NFIB: variants seen among roughly 807,000 people sequenced by gnomAD.
NFIB encodes the protein nuclear factor I B, also known as nuclear factor 1 B-type.
In NFIB, 11 loss-of-function variants were observed where a neutral mutation model predicts 61.5. The observed-to-expected ratio is 0.18, with a 90% CI of 0.11 to 0.30. NFIB has a LOEUF of 0.30. NFIB is among the 10% of genes least tolerant of loss of function. The pLI, the probability that NFIB is intolerant of heterozygous loss-of-function variation, is 1.00. For synonymous variants in NFIB, 260 were observed against 216.5 expected (o/e 1.20, Z -1.76); for missense variants, 471 against 608.9 (o/e 0.77, Z 2.38).
intron 2 of NFIB, among the ~76,000 whole-genome samples, chr9:14,269,853 G>T (rs2057473927): frequency 6.6e-6 from 1 of 152,024 alleles, no homozygotes; most frequent in Non-Finnish European, 1.5e-5. Flanking sequence ...AAGCAAATTT[G>T]CTTTCTCAGA....
At position 14,086,791 on chromosome 9, in the gene NFIB, TTTG is replaced by T. The variant is rs2032933526; in HGVS notation, c.*1515_*1517del. On this transcript the variant is annotated 3_prime_UTR_variant, in exon 11 of 11. Coordinates refer to ENST00000380953, the MANE Select transcript of NFIB (RefSeq NM_001190737.2). ...TGTTGTATTTTTTTGTTTTTTTTTT[TTTG>T]TTTTTTGTTTTTTAGATTTCAAGGC... 4.8e-6 allele frequency: 1 copy of T among 206,566 alleles called. No individual in the cohort carries two copies. Among genetic ancestry groups the T allele is most frequent in the Admixed American group, 5.9e-5 (1 of 16,812 alleles). 12.8% of individuals were successfully genotyped at this position (206,566 alleles called of 1,614,324 possible). A position where few individuals can be genotyped will look rare whatever the true frequency, so the allele number is the denominator to read the frequency against.
chr9:14,161,810 G>C (rs2044236989), intron 3 of NFIB, among the ~76,000 whole-genome samples: 1 of 152,074 alleles, frequency 6.6e-6, no homozygotes, highest in Non-Finnish European at 1.5e-5. Flanking sequence ...TAGAATTACA[G>C]GGTCAAAGGA....
intron 2 of NFIB, among the ~76,000 whole-genome samples, chr9:14,209,122 T>C (rs187403681): frequency 6.6e-6 from 1 of 152,364 alleles, no homozygotes; most frequent in Non-Finnish European, 1.5e-5. Context: ...CCAGCCTTTT[T>C]CATATATAGT....
chr9:14,301,228 G>A (rs2059731738), intron 2 of NFIB, among the ~76,000 whole-genome samples: 1 of 152,150 alleles, frequency 6.6e-6, no homozygotes, highest in African/African-American at 2.4e-5. Context: ...GCATTCTTCA[G>A]GAGACCTGAC....
intron 10 of NFIB, among the ~76,000 whole-genome samples, chr9:14,103,089 T>C (rs1563786804): frequency 1.3e-5 from 2 of 152,328 alleles, no homozygotes; most frequent in South Asian, 4.1e-4. Flanking sequence ...GATAAGCATT[T>C]CTAGTTTTAT....
intron 10 of NFIB, among the ~76,000 whole-genome samples, chr9:14,091,622 T>C (rs942127547): frequency 6.6e-6 from 1 of 152,104 alleles, no homozygotes; most frequent in African/African-American, 2.4e-5. Context: ...ATTCAGCTAC[T>C]TCAGCAATAT....
the NFIB span, among the ~76,000 whole-genome samples, chr9:14,491,266 G>T: frequency 6.6e-6 from 1 of 152,120 alleles, no homozygotes; most frequent in Non-Finnish European, 1.5e-5. Flanking sequence ...TACAATTATT[G>T]AAAGAGTGCA....
In NFIB at chr9:14,265,986, T is replaced by C. The variant is rs181123641; in HGVS notation, c.562+41003A>G. 3.3e-3 allele frequency among the ~76,000 whole-genome samples: 499 copies of C among 152,250 alleles called. 6 individuals carry two copies. Among genetic ancestry groups the C allele is most frequent in the African/African-American group, 0.011 (464 of 41,550 alleles). On this transcript the variant is annotated intron_variant, in intron 2 of 10. Transcript: ENST00000380953. ...GCCCTGAAGAATGAATCAGAACTAA[T>C]TAGCTGAAGGATGGGATGGTCAGGC...
At chr9:14,358,997 A>G (rs1434888853) in intron 1 of NFIB, among the ~76,000 whole-genome samples, 1 of 152,192 alleles carries the variant, frequency 6.6e-6, no homozygotes, top group Non-Finnish European at 1.5e-5. Flanking sequence ...GGTAGTAGAA[A>G]CACCGGATAA....
chr9:14,494,892 C>T, the NFIB span, among the ~76,000 whole-genome samples: 8 of 152,322 alleles, frequency 5.3e-5, 1 homozygote, highest in African/African-American at 1.9e-4. Flanking sequence ...CTCATTAATT[C>T]ACAGAATCTT....
rs73641920 is a variant in NFIB at position 14,387,847 on chromosome 9, T to C, written c.108+10677A>G. On this transcript the variant is annotated intron_variant, in intron 1 of 8. Transcript: ENST00000380934. ...TCCAATTTCCCCATTATGACACACA[T>C]AGAGAAAGATAATACTCATAGAGCA... 6.9e-3 allele frequency among the ~76,000 whole-genome samples: 1,047 copies of C among 152,274 alleles called. 9 individuals carry two copies. The highest frequency in any genetic ancestry group is 0.024 in the African/African-American group (1,005 of 41,550).
At chr9:14,432,531 C>T in the NFIB span, among the ~76,000 whole-genome samples, 1 of 152,188 alleles carries the variant, frequency 6.6e-6, no homozygotes, top group Non-Finnish European at 1.5e-5. Flanking sequence ...TACAAATAAC[C>T]ATAGATGGGC....
chr9:14,257,005 G>A (rs1460854941), intron 2 of NFIB, among the ~76,000 whole-genome samples: 1 of 152,202 alleles, frequency 6.6e-6, no homozygotes, highest in African/African-American at 2.4e-5. Flanking sequence ...TAGAGCACAA[G>A]AAGGGCCCAC....
the NFIB span, among the ~76,000 whole-genome samples, chr9:14,490,977 T>G: frequency 7.9e-5 from 12 of 152,318 alleles, no homozygotes; most frequent in East Asian, 2.3e-3. Context: ...ACATCCCATA[T>G]GTTCATTGAC....
chr9:14,223,244 T>G (rs1379925925), intron 2 of NFIB, among the ~76,000 whole-genome samples: 1 of 152,208 alleles, frequency 6.6e-6, no homozygotes, highest in East Asian at 1.9e-4. Context: ...AGGGACTTCC[T>G]GACAGAAATC....
intron 1 of NFIB, among the ~76,000 whole-genome samples, chr9:14,322,761 C>T (rs2060693486): frequency 6.6e-6 from 1 of 151,962 alleles, no homozygotes; most frequent in Admixed American, 6.5e-5. Context: ...GCGGCCTGCG[C>T]CGCGCGGCGC....
intron 6 of NFIB, among the ~76,000 whole-genome samples, chr9:14,138,696 T>A (rs1346326958): frequency 6.6e-6 from 1 of 152,172 alleles, no homozygotes; most frequent in Non-Finnish European, 1.5e-5. Flanking sequence ...CAGTTGAAGC[T>A]GTGTGACAGT....
intron 2 of NFIB, among the ~76,000 whole-genome samples, chr9:14,189,983 C>T (rs1299711894): frequency 6.6e-6 from 1 of 152,018 alleles, no homozygotes; most frequent in African/African-American, 2.4e-5. Context: ...TAGTGATTGA[C>T]TCAATGACCA....
intron 2 of NFIB, among the ~76,000 whole-genome samples, chr9:14,199,286 CG>C (rs1391220753): frequency 6.6e-5 from 10 of 152,172 alleles, no homozygotes; most frequent in African/African-American, 2.4e-4. Context: ...GACAGGAAGC[CG>C]GGAGCTGGCC....
Sources: gnomAD v4.1 joint callset for allele counts (sites outside exome capture counted in the v4.1 genomes callset) on GRCh38, gnomAD v4.1.1 for gene constraint, MANE v1.5 for transcripts, NCBI Gene and HGNC (gene_info 2026-07-23, HGNC 2026-07-21) for gene names.